The following SOX5 variants were observed in gnomAD, a reference collection of about 807,000 sequenced individuals.
SOX5 encodes SRY-box transcription factor 5, also known as transcription factor SOX-5.
SOX5 carries 9 observed loss-of-function variants against 92.0 expected under a neutral mutation model. That is an observed-to-expected ratio of 0.10 (90% CI 0.06 to 0.17). SOX5 has a LOEUF of 0.17. Ranked by LOEUF, SOX5 falls within the 10% of genes least tolerant of loss-of-function variation. The probability of loss-of-function intolerance (pLI) is 1.00; values close to 1 mark genes in which losing one functional copy is unlikely to be tolerated. For synonymous variants in SOX5, 344 were observed against 336.3 expected (o/e 1.02, Z -0.25); for missense variants, 642 against 944.5 (o/e 0.68, Z 4.20).
chr12:23,659,057 T>C (rs2082688283), intron 7 of SOX5, among the ~76,000 whole-genome samples: 1 of 152,204 alleles, frequency 6.6e-6, no homozygotes, highest in South Asian at 2.1e-4. Context: ...TGATGGTTTT[T>C]AGCTTGTGAT....
rs542331990 is a variant in SOX5 at position 24,035,292 on chromosome 12, A to T, written c.-1-139268T>A. Among the ~76,000 whole-genome samples the T allele has an allele frequency of 1.9e-4, 29 of 152,218 alleles. 1 individual carries two copies. The highest frequency in any genetic ancestry group is 1.3e-4 in the Admixed American group (2 of 15,278). On this transcript the variant is annotated intron_variant, in intron 4 of 4. Coordinates refer to the SOX5 transcript ENST00000446891. Reference sequence around the variant, plus strand: ...TGGATTTACTTGGTAAAAGCTAACCAATGATAACAACCACAGTTTGCATTT... The same window carrying T: ...TGGATTTACTTGGTAAAAGCTAACCTATGATAACAACCACAGTTTGCATTT...
intron 4 of SOX5, among the ~76,000 whole-genome samples, chr12:24,188,777 A>G (rs988174134): frequency 1.3e-5 from 2 of 152,176 alleles, no homozygotes; most frequent in African/African-American, 4.8e-5. Flanking sequence ...GCTGTGATTT[A>G]GGAAGATTAA....
At chr12:24,024,589 A>T (rs990214581) in intron 4 of SOX5, among the ~76,000 whole-genome samples, 8 of 152,044 alleles carry the variant, frequency 5.3e-5, no homozygotes, top group African/African-American at 1.9e-4. Context: ...CTTCAAAACA[A>T]GTTGAGCTGA....
intron 2 of SOX5, among the ~76,000 whole-genome samples, chr12:23,849,057 G>A (rs371871653): frequency 1.3e-5 from 2 of 152,034 alleles, no homozygotes; most frequent in Non-Finnish European, 2.9e-5. Flanking sequence ...CTATGAACAC[G>A]TCGAAAGAAA....
At chr12:23,551,774 T>C (rs1287356398) in intron 11 of SOX5, among the ~76,000 whole-genome samples, 2 of 150,494 alleles carry the variant, frequency 1.3e-5, no homozygotes, top group African/African-American at 4.8e-5. Flanking sequence ...ATCTGCCTTA[T>C]CTAATACTGA....
intron 1 of SOX5, among the ~76,000 whole-genome samples, chr12:23,909,914 C>T (rs1019261222): frequency 2.6e-5 from 4 of 151,928 alleles, no homozygotes; most frequent in African/African-American, 7.2e-5. Flanking sequence ...GGACCAAATC[C>T]ACCCCAACCT....
At chr12:24,437,529 T>C (rs1475001538) in intron 1 of SOX5, among the ~76,000 whole-genome samples, 2 of 151,660 alleles carry the variant, frequency 1.3e-5, no homozygotes, top group Non-Finnish European at 2.9e-5. Context: ...TCAGAGTGAA[T>C]ATCCAGAATC....
At chr12:23,985,065 G>T (rs1949932801) in intron 4 of SOX5, among the ~76,000 whole-genome samples, 1 of 152,016 alleles carries the variant, frequency 6.6e-6, no homozygotes, top group African/African-American at 2.4e-5. Flanking sequence ...CTTTAAAATA[G>T]TTTGTTCTTT....
intron 1 of SOX5, among the ~76,000 whole-genome samples, chr12:24,479,855 G>A (rs532795270): frequency 3.0e-4 from 46 of 152,046 alleles, no homozygotes; most frequent in Non-Finnish European, 5.9e-4. Context: ...TAGTAGAAGC[G>A]GGGTTTTACC....
At chr12:24,276,962 AAAG>A (rs1944503608) in intron 3 of SOX5, among the ~76,000 whole-genome samples, 1 of 152,062 alleles carries the variant, frequency 6.6e-6, no homozygotes, top group Non-Finnish European at 1.5e-5. Flanking sequence ...TCATTAAGAA[AAAG>A]AAAAGAAAAG....
chr12:23,593,204 G>A (rs1951833883), intron 9 of SOX5, among the ~76,000 whole-genome samples: 1 of 152,056 alleles, frequency 6.6e-6, no homozygotes, highest in South Asian at 2.1e-4. Context: ...AGGAATATGT[G>A]CCTACGAATT....
At chr12:24,503,770 A>G (rs973183674) in intron 1 of SOX5, among the ~76,000 whole-genome samples, 1 of 152,188 alleles carries the variant, frequency 6.6e-6, no homozygotes, top group Non-Finnish European at 1.5e-5. Context: ...TGGGAGTTGA[A>G]CAATGAGAAC....
At chr12:24,061,758 A>AC (rs1283583396) in intron 4 of SOX5, among the ~76,000 whole-genome samples, 5 of 127,968 alleles carry the variant, frequency 3.9e-5, no homozygotes, top group Admixed American at 8.3e-5. Flanking sequence ...AAAAAAAAAA[A>AC]AAAAACCTTT....
chr12:23,913,244 A>G (rs1002438536), intron 1 of SOX5, among the ~76,000 whole-genome samples: 1 of 152,204 alleles, frequency 6.6e-6, no homozygotes, highest in Non-Finnish European at 1.5e-5. Flanking sequence ...ATTTTTCCCC[A>G]AAGAATCAAA....
At position 24,203,823 on chromosome 12, in the gene SOX5, C is replaced by G. The variant is rs549509382; in HGVS notation, c.-2+9520G>C. ...TGTTTGGCAGTTACTTAGATTAGCT[C>G]TTTTTTATCCACTTCCTTCATCTGT... On this transcript the variant is annotated intron_variant, in intron 4 of 4. Coordinates refer to the SOX5 transcript ENST00000446891. 7.9e-5 allele frequency among the ~76,000 whole-genome samples: 12 copies of G among 152,244 alleles called. 1 individual carries two copies. The highest frequency in any genetic ancestry group is 2.9e-4 in the African/African-American group (12 of 41,554).
chr12:24,215,166 T>G (rs891884206), intron 3 of SOX5, among the ~76,000 whole-genome samples: 4 of 152,068 alleles, frequency 2.6e-5, no homozygotes, highest in Non-Finnish European at 4.4e-5. Context: ...TGGCAAAACA[T>G]TAACTGTTTT....
chr12:24,168,733 T>G (rs906354120), intron 4 of SOX5, among the ~76,000 whole-genome samples: 5 of 152,138 alleles, frequency 3.3e-5, no homozygotes, highest in Non-Finnish European at 5.9e-5. Flanking sequence ...AATTAGTAAG[T>G]ATAAAAGAAG....
At chr12:24,289,539 C>T (rs569871586) in intron 2 of SOX5, among the ~76,000 whole-genome samples, 2 of 142,298 alleles carry the variant, frequency 1.4e-5, no homozygotes, top group Non-Finnish European at 1.5e-5. Flanking sequence ...CTGCAAGCTC[C>T]GCCTCCCGGG....
chr12:24,498,880 C>T (rs1378621024), intron 1 of SOX5, among the ~76,000 whole-genome samples: 1 of 152,116 alleles, frequency 6.6e-6, no homozygotes, highest in Non-Finnish European at 1.5e-5. Context: ...ACTTGACCTT[C>T]CTCTTATTCT....
Sources: gnomAD v4.1 joint callset for allele counts (sites outside exome capture counted in the v4.1 genomes callset) on GRCh38, gnomAD v4.1.1 for gene constraint, MANE v1.5 for transcripts, NCBI Gene and HGNC (gene_info 2026-07-23, HGNC 2026-07-21) for gene names.